The following ME1 variants were observed in gnomAD, a reference collection of about 807,000 sequenced individuals.
ME1 encodes NADP-dependent malic enzyme.
ME1 carries 74 observed loss-of-function variants against 66.4 expected under a neutral mutation model. That is an observed-to-expected ratio of 1.11 (90% confidence interval 0.92 to 1.35). The LOEUF is 1.35. Ranked by LOEUF, ME1 falls within the 40% of genes most tolerant of loss-of-function variation. The probability of loss-of-function intolerance (pLI) is 0.00; values close to 1 mark genes in which losing one functional copy is unlikely to be tolerated. For synonymous variants in ME1, 251 were observed against 235.6 expected, an observed-to-expected ratio of 1.07 and a Z score of -0.60; for missense variants, 750 against 694.1, an observed-to-expected ratio of 1.08 and a Z score of -0.90.
At chr6:83,234,181 G>A (rs1247041897) in intron 9 of ME1, among the ~76,000 whole-genome samples, 1 of 152,104 alleles carries the variant, frequency 6.6e-6, no homozygotes, top group Non-Finnish European at 1.5e-5. Context: ...TTTTTACACA[G>A]ATTTCAGGTA....
rs781134801 is a variant in ME1 at position 83,237,745 on chromosome 6, A to C, written c.998T>G (p.Leu333Arg). The C allele has an allele frequency of 1.2e-6, 2 of 1,606,310 alleles. No individual in the cohort carries two copies. Among genetic ancestry groups the C allele is most frequent in the Admixed American group, 3.4e-5 (2 of 59,614 alleles). Residue 333 changes from leucine to arginine, a missense_variant, in exon 9 of 14, where the codon CTG becomes CGG. Leu to Arg is a moderately radical substitution (Grantham distance 102). Transcript: ENST00000369705. ...AACTATTAATCCTTTTGAATCAACCAGCCATATCTTTTTGATGGCTTTCTC... is the reference window on the plus strand; with the variant it reads ...AACTATTAATCCTTTTGAATCAACCCGCCATATCTTTTTGATGGCTTTCTC... ...PKEKAIKKIW[L>R]VDSKGLIVKG... is the part of the protein sequence containing the mutation.
rs539652107 is a variant in ME1, at chr6:83,284,646, A to G, written c.704+30664T>C. 7.2e-5 allele frequency among the ~76,000 whole-genome samples: 11 copies of G among 152,326 alleles called. No homozygotes were observed. In the South Asian group the frequency reaches 2.3e-3, roughly 32 times the overall value. Reference sequence around the variant, plus strand: ...GCAGAAAACCTTTCAATAAAATCCAACATCCCTTCATTATAAAAAACCTCA... The same window carrying G: ...GCAGAAAACCTTTCAATAAAATCCAGCATCCCTTCATTATAAAAAACCTCA... On this transcript the variant is annotated intron_variant, in intron 6 of 13. Coordinates refer to ENST00000369705, the MANE Select transcript of ME1 (RefSeq NM_002395.6).
chr6:83,342,114 C>A lies in ME1; in HGVS notation c.600+4059G>T, dbSNP rs531157070. The stretch of plus-strand genomic sequence containing the variant: ...CCTCTGATTGGTTGCTTTCTGCAAC[C>A]AATCAGACTGATTGCAGGCCACCAC... On this transcript the variant is annotated intron_variant, in intron 5 of 13. Coordinates refer to ENST00000369705, the MANE Select transcript of ME1 (RefSeq NM_002395.6). Among the ~76,000 whole-genome samples the A allele has an allele frequency of 2.0e-5, 3 of 152,222 alleles. No individual in the cohort carries two copies. The South Asian group carries it at 6.2e-4, about 32-fold the overall frequency.
At chr6:83,320,978 A>C (rs1768160013) in intron 5 of ME1, among the ~76,000 whole-genome samples, 1 of 152,144 alleles carries the variant, frequency 6.6e-6, no homozygotes, top group African/African-American at 2.4e-5. Context: ...GGGATGGGTT[A>C]GACAGTGGGT....
chr6:83,376,396 G>A (rs1769289328), intron 3 of ME1, among the ~76,000 whole-genome samples: 1 of 151,492 alleles, frequency 6.6e-6, no homozygotes. Context: ...TTAGGAGACT[G>A]AGGCAGGAGA....
At chr6:83,325,425 GTC>G (rs1165381112) in intron 5 of ME1, among the ~76,000 whole-genome samples, 1 of 152,124 alleles carries the variant, frequency 6.6e-6, no homozygotes, top group Non-Finnish European at 1.5e-5. Flanking sequence ...AAGTCAAATT[GTC>G]TCTCTTTGCA....
intron 5 of ME1, among the ~76,000 whole-genome samples, chr6:83,330,336 G>A (rs1422193328): frequency 6.6e-6 from 1 of 152,006 alleles, no homozygotes; most frequent in African/African-American, 2.4e-5. Context: ...GTTGCCTCAT[G>A]TCATCAATAA....
chr6:83,404,053 G>A (rs1769887204), intron 2 of ME1, among the ~76,000 whole-genome samples: 3 of 151,988 alleles, frequency 2.0e-5, no homozygotes, highest in African/African-American at 7.3e-5. Flanking sequence ...TGGTGTTTCT[G>A]GTTCTAGATC....
chr6:83,369,357 T>C (rs1409997626), intron 3 of ME1, among the ~76,000 whole-genome samples: 1 of 152,138 alleles, frequency 6.6e-6, no homozygotes, highest in Non-Finnish European at 1.5e-5. Context: ...ATATACTTTA[T>C]TTAAGAGGGT....
In ME1 at chr6:83,211,846, T is replaced by C; in HGVS notation, c.*78A>G. The C allele has an allele frequency of 2.1e-6, 2 of 944,082 alleles. No individual in the cohort carries two copies. The highest frequency in any genetic ancestry group is 2.9e-6 in the Non-Finnish European group (2 of 682,468). 58.5% of individuals were successfully genotyped at this position (944,082 alleles called of 1,614,324 possible). Reference sequence around the variant, plus strand: ...TTAATCTAAGTGTCTTATGAATCATTATAAAAGATTCCAACCTTTAAAAAT... The same window carrying C: ...TTAATCTAAGTGTCTTATGAATCATCATAAAAGATTCCAACCTTTAAAAAT... On this transcript the variant is annotated 3_prime_UTR_variant, in exon 14 of 14. Coordinates refer to ENST00000369705, the MANE Select transcript of ME1 (RefSeq NM_002395.6).
chr6:83,231,017 G>A (rs910751236), intron 9 of ME1, among the ~76,000 whole-genome samples: 2 of 152,070 alleles, frequency 1.3e-5, no homozygotes, highest in East Asian at 1.9e-4. Context: ...TACCACATGC[G>A]TTTTTAAGAG....
intron 3 of ME1, among the ~76,000 whole-genome samples, chr6:83,386,857 G>T (rs188070356): frequency 6.6e-6 from 1 of 152,100 alleles, no homozygotes; most frequent in Admixed American, 6.6e-5. Flanking sequence ...ATAACAGGAA[G>T]CTGGCAGTCT....
chr6:83,283,435 A>T, intron 6 of ME1, among the ~76,000 whole-genome samples: 1 of 151,726 alleles, frequency 6.6e-6, no homozygotes, highest in Non-Finnish European at 1.5e-5. Flanking sequence ...GTGGGGGGAA[A>T]GGAGAGGGAG....
chr6:83,420,559 C>A (rs1484177191), intron 1 of ME1, among the ~76,000 whole-genome samples: 1 of 152,162 alleles, frequency 6.6e-6, no homozygotes, highest in African/African-American at 2.4e-5. Context: ...AAAACCTAAT[C>A]CTAAATGATA....
At chr6:83,356,271 A>C (rs1768887486) in intron 3 of ME1, among the ~76,000 whole-genome samples, 1 of 152,156 alleles carries the variant, frequency 6.6e-6, no homozygotes. Context: ...AGCCAATTTT[A>C]CTATCTTTTG....
intron 3 of ME1, among the ~76,000 whole-genome samples, chr6:83,375,934 C>G (rs922312945): frequency 6.6e-6 from 1 of 151,860 alleles, no homozygotes. Context: ...TGCCCAACAC[C>G]AGAACTTAAT....
chr6:83,304,665 G>T (rs1767794022), intron 6 of ME1, among the ~76,000 whole-genome samples: 2 of 152,102 alleles, frequency 1.3e-5, no homozygotes, highest in Non-Finnish European at 2.9e-5. Flanking sequence ...CTACATATTG[G>T]TAAAATAAAA....
At chr6:83,350,368 T>C (rs1448798656) in intron 4 of ME1, among the ~76,000 whole-genome samples, 2 of 152,194 alleles carry the variant, frequency 1.3e-5, no homozygotes, top group Non-Finnish European at 2.9e-5. Context: ...AGAAACATGG[T>C]GTGATAGCTT....
chr6:83,354,916 G>A (rs894086624), intron 3 of ME1, among the ~76,000 whole-genome samples: 6 of 152,084 alleles, frequency 3.9e-5, no homozygotes, highest in Non-Finnish European at 8.8e-5. Flanking sequence ...AATAAATCCA[G>A]CCTAATATTG....
Sources: allele counts gnomAD v4.1 joint callset (sites outside exome capture counted in the v4.1 genomes callset), GRCh38; gene constraint gnomAD v4.1.1; transcripts MANE v1.5; gene names NCBI Gene and HGNC (gene_info 2026-07-23, HGNC 2026-07-21).